The following SNX29 variants were observed in gnomAD, a reference collection of about 807,000 sequenced individuals.
SNX29 encodes the protein sorting nexin 29.
Under a neutral mutation model 102.1 loss-of-function variants are expected in SNX29, and 78 were observed. The observed-to-expected ratio is 0.76, with a 90% CI of 0.64 to 0.92. The LOEUF (loss-of-function observed/expected upper bound fraction) is 0.92, where lower values mean the gene tolerates loss of function less well. SNX29 is among the 40% of genes least tolerant of loss of function. SNX29 has a pLI of 0.00. For missense variants in SNX29, 1,280 were observed against 1,061.7 expected, an observed-to-expected ratio of 1.21 and a Z score of -2.86; for synonymous variants, 580 against 414.5, an observed-to-expected ratio of 1.40 and a Z score of -4.85.
chr16:12,395,335 C>G (rs1343576885), intron 16 of SNX29, among the ~76,000 whole-genome samples: 2 of 152,172 alleles, frequency 1.3e-5, no homozygotes, highest in East Asian at 3.9e-4. Flanking sequence ...CTGCCCCAAA[C>G]AACCCAGGAA....
intron 16 of SNX29, among the ~76,000 whole-genome samples, chr16:12,390,657 C>A (rs1453348450): frequency 6.6e-6 from 1 of 152,024 alleles, no homozygotes; most frequent in African/African-American, 2.4e-5. Flanking sequence ...ACCATGCCCT[C>A]AGCGGGTTTT....
chr16:12,213,999 C>G lies in SNX29; in HGVS notation c.1678+14316C>G, dbSNP rs370293317. ...CATCAAGCCACCCCTTTTTGCCCCA[C>G]TCCTTGGGAAAACGTCATCAAATGT... On this transcript the variant is annotated intron_variant, in intron 14 of 20. Coordinates refer to ENST00000566228, the MANE Select transcript of SNX29 (RefSeq NM_032167.5). Among the ~76,000 whole-genome samples the G allele has an allele frequency of 8.5e-5, 13 of 152,180 alleles. No homozygotes were observed. The East Asian group carries it at 2.5e-3, about 29-fold the overall frequency.
intron 16 of SNX29, among the ~76,000 whole-genome samples, chr16:12,367,959 C>A (rs906828217): frequency 9.2e-5 from 14 of 152,202 alleles, no homozygotes; most frequent in African/African-American, 3.1e-4. Flanking sequence ...ACCTCTAGAT[C>A]GAGAGAAGAA....
chr16:12,556,902 G>T (rs541259274), intron 20 of SNX29, among the ~76,000 whole-genome samples: 1 of 151,196 alleles, frequency 6.6e-6, no homozygotes, highest in East Asian at 1.9e-4. Context: ...TCCTCACCTT[G>T]AGTGTAGTGG....
intron 15 of SNX29, among the ~76,000 whole-genome samples, chr16:12,281,808 A>G (rs1171905889): frequency 6.6e-6 from 1 of 152,040 alleles, no homozygotes; most frequent in Non-Finnish European, 1.5e-5. Flanking sequence ...TGGTGGCTCA[A>G]ACCTGTAATC....
intron 19 of SNX29, among the ~76,000 whole-genome samples, chr16:12,512,492 C>G (rs2089676383): frequency 6.7e-6 from 1 of 148,738 alleles, no homozygotes; most frequent in Non-Finnish European, 1.5e-5. Context: ...CAGCTCACTG[C>G]AGCCTTGACC....
At position 12,559,393 on chromosome 16, in the gene SNX29, GC is replaced by G. The variant is rs1345076742; in HGVS notation, c.2319-9108del. ...TGATGATCTCTCACCCTCTCCCATC[GC>G]CCCCTGAAGGGACCATCTAGTTGCA... is the stretch of plus-strand genomic sequence containing the variant. On this transcript the variant is annotated intron_variant, in intron 20 of 20. Coordinates refer to ENST00000566228, the MANE Select transcript of SNX29 (RefSeq NM_032167.5). Among the ~76,000 whole-genome samples, 4 of 151,102 alleles carry G rather than the reference GC, an allele frequency of 2.6e-5. No homozygotes were observed. In the Admixed American group the frequency reaches 2.7e-4, roughly 10 times the overall value.
intron 14 of SNX29, among the ~76,000 whole-genome samples, chr16:12,218,207 A>G (rs1169825349): frequency 6.6e-6 from 1 of 152,262 alleles, no homozygotes; most frequent in African/African-American, 2.4e-5. Context: ...TAGATTTTTA[A>G]AAATGAGTAA....
chr16:12,139,242 G>C (rs350275), intron 13 of SNX29, among the ~76,000 whole-genome samples: 95,009 of 146,550 alleles, frequency 0.65, 31,320 homozygotes, highest in East Asian at 0.91. Flanking sequence ...GCTTTGTGCA[G>C]CATCTCCTGC....
At chr16:12,450,760 A>G (rs2086267172) in intron 18 of SNX29, among the ~76,000 whole-genome samples, 1 of 152,168 alleles carries the variant, frequency 6.6e-6, no homozygotes, top group Non-Finnish European at 1.5e-5. Context: ...GTGACATGGT[A>G]TGATTGGAGC....
At chr16:12,110,812 G>C (rs1037476640) in intron 11 of SNX29, among the ~76,000 whole-genome samples, 4 of 151,940 alleles carry the variant, frequency 2.6e-5, no homozygotes, top group Non-Finnish European at 5.9e-5. Context: ...AACAAAAAAT[G>C]GTGTTTTTCT....
intron 15 of SNX29, among the ~76,000 whole-genome samples, chr16:12,305,380 C>T (rs1596834208): frequency 6.6e-6 from 1 of 152,234 alleles, no homozygotes; most frequent in East Asian, 1.9e-4. Flanking sequence ...CCCAAGGTGA[C>T]AGGGACCAAA....
intron 16 of SNX29, chr16:12,373,114 C>G (rs1298700026): frequency 6.6e-6 from 1 of 152,104 alleles, no homozygotes; most frequent in African/African-American, 2.4e-5. Flanking sequence ...CATGTCCTCA[C>G]CTTTATTTCT....
chr16:12,022,492 C>T (rs1299397053), intron 3 of SNX29, among the ~76,000 whole-genome samples: 7 of 152,164 alleles, frequency 4.6e-5, no homozygotes, highest in African/African-American at 7.2e-5. Context: ...TGAGCCACAA[C>T]GCCCAGCCAA....
In SNX29 at chr16:12,180,786, G is replaced by A. The variant is rs1004086790; in HGVS notation, c.1596-18815G>A. On this transcript the variant is annotated intron_variant, in intron 13 of 20. Coordinates refer to ENST00000566228, the MANE Select transcript of SNX29 (RefSeq NM_032167.5). ...AGGTGTGAGCCACCTCGCCTGGCCCGTTGCTTCTCTTTATGTGTAGTTAGG... is the reference window on the plus strand; with the variant it reads ...AGGTGTGAGCCACCTCGCCTGGCCCATTGCTTCTCTTTATGTGTAGTTAGG... 4.6e-5 allele frequency among the ~76,000 whole-genome samples: 7 copies of A among 152,104 alleles called. No homozygotes were observed. In the East Asian group the frequency reaches 9.6e-4, roughly 21 times the overall value.
chr16:12,321,632 C>T (rs144657407), intron 15 of SNX29, among the ~76,000 whole-genome samples: 114 of 152,224 alleles, frequency 7.5e-4, no homozygotes, highest in African/African-American at 2.4e-3. Context: ...TCAAAGAGGG[C>T]GCTGAGAGCT....
chr16:12,400,634 C>G (rs1438485190), intron 17 of SNX29, among the ~76,000 whole-genome samples: 5 of 152,218 alleles, frequency 3.3e-5, no homozygotes, highest in African/African-American at 1.2e-4. Flanking sequence ...CCCTGGAAGT[C>G]ACTCTCCTTA....
At chr16:11,976,932 G>A in intron 1 of SNX29, 119 bp downstream of exon 1, 2 of 1,231,054 alleles carry the variant, frequency 1.6e-6, no homozygotes, top group South Asian at 2.8e-5. Context: ...CCTCCCAGTC[G>A]CTCCCTTTTC....
chr16:12,307,670 C>T (rs1287316017), intron 15 of SNX29, among the ~76,000 whole-genome samples: 2 of 152,140 alleles, frequency 1.3e-5, no homozygotes, highest in African/African-American at 2.4e-5. Context: ...TTGGATTTGC[C>T]GAAGCCTGGA....
Sources: gnomAD v4.1 joint callset for allele counts (sites outside exome capture counted in the v4.1 genomes callset) on GRCh38, gnomAD v4.1.1 for gene constraint, MANE v1.5 for transcripts, NCBI Gene and HGNC (gene_info 2026-07-23, HGNC 2026-07-21) for gene names.